LGALS9: variants seen among roughly 807,000 people sequenced by gnomAD.
The protein encoded by LGALS9 is galectin 9.
Under a neutral mutation model 35.9 loss-of-function variants are expected in LGALS9, and 26 were observed. The observed-to-expected ratio is 0.72, with a 90% CI of 0.53 to 1.01. The LOEUF (loss-of-function observed/expected upper bound fraction) is 1.01, where lower values mean the gene tolerates loss of function less well. Among genes scored for constraint, LGALS9 ranks in the 50% least tolerant of loss-of-function variants. LGALS9 has a pLI of 0.00. For synonymous variants in LGALS9, 149 were observed against 172.2 expected, an observed-to-expected ratio of 0.87 and a Z score of 1.06; for missense variants, 347 against 445.8, an observed-to-expected ratio of 0.78 and a Z score of 1.99.
chr17:27,646,624 T>C (rs777169127), intron 8 of LGALS9, 36 bp downstream of exon 8: 1 of 1,613,024 alleles, frequency 6.2e-7, no homozygotes, highest in South Asian at 1.1e-5. Flanking sequence ...AGGTTCTGTT[T>C]GTGGTGGGCA....
In LGALS9 at chr17:27,647,097, C is replaced by G. The variant is rs1423191413; in HGVS notation, c.737C>G (p.Thr246Ser). 6.2e-7 allele frequency: 1 copy of G among 1,614,212 alleles called. No individual in the cohort carries two copies. Among genetic ancestry groups the G allele is most frequent in the Non-Finnish European group, 8.5e-7 (1 of 1,180,036 alleles). Reference sequence around the variant, plus strand: ...TCCAAGTCCATCCTCCTGTCAGGCACTGTCCTGCCCAGTGCTCAGAGGTAA... The same window carrying G: ...TCCAAGTCCATCCTCCTGTCAGGCAGTGTCCTGCCCAGTGCTCAGAGGTAA... Reference protein sequence around the residue: ...YPSKSILLSGTVLPSAQRFHI... With the variant: ...YPSKSILLSGSVLPSAQRFHI... The change falls in exon 9 of 11, where the codon ACT becomes AGT. Residue 246 changes from threonine (T) to serine (S), a missense_variant. Coordinates refer to ENST00000395473, the MANE Select transcript of LGALS9 (RefSeq NM_009587.3).
chr17:27,642,238 G>A lies in LGALS9; in HGVS notation c.334G>A (p.Val112Met). The A allele has an allele frequency of 6.2e-7, 1 of 1,611,502 alleles. No homozygotes were observed. The highest frequency in any genetic ancestry group is 2.2e-5 in the East Asian group (1 of 44,802). ...CFLVQSSDFK[V>M]MVNGILFVQY... ...CAGAACATGTGCTCTCCTCTGGCAG[G>A]TGATGGTGAACGGGATCCTCTTCGT... Residue 112 changes from valine to methionine, a missense_variant and splice_region_variant, in exon 4 of 11, where the codon GTG becomes ATG. Transcript: ENST00000395473.
intron 2 of LGALS9, 171 bp from the exon 3 acceptor site, chr17:27,640,401 C>A: frequency 1.0e-6 from 1 of 983,948 alleles, no homozygotes; most frequent in Non-Finnish European, 1.5e-6. Flanking sequence ...AAAACAAAAA[C>A]ACATTAGATC....
chr17:27,645,783 G>T (rs1904889786), intron 6 of LGALS9, 78 bp from the exon 7 acceptor site: 1 of 1,206,972 alleles, frequency 8.3e-7, no homozygotes, highest in African/African-American at 1.5e-5. Context: ...GAGGGTGCCT[G>T]CCGTGTGGCG....
chr17:27,648,813 C>A, intron 10 of LGALS9, 23 bp from the exon 11 acceptor site: 2 of 1,613,280 alleles, frequency 1.2e-6, no homozygotes, highest in South Asian at 2.2e-5. Context: ...AAGTGTAGTG[C>A]AAACGGCATG....
intron 1 of LGALS9, among the ~76,000 whole-genome samples, chr17:27,637,305 T>C (rs1213296778): frequency 2.0e-5 from 3 of 152,142 alleles, no homozygotes; most frequent in Admixed American, 6.5e-5. Flanking sequence ...TCTCACAAAA[T>C]CATCAATCAT....
At chr17:27,643,752 C>T (rs4795835) in intron 5 of LGALS9, 132 bp downstream of exon 5, 340,252 of 1,390,354 alleles carry the variant, frequency 0.24, 42,302 homozygotes, top group Admixed American at 0.31. Flanking sequence ...AGTTCCCTGT[C>T]TCTGTCCGCT....
rs1353133112 is a variant in LGALS9 at position 27,642,328 on chromosome 17, C to T, written c.424C>T (p.Leu142=). ...DTISVNGSVQ[L]SYISFQNPRT... is the part of the protein sequence containing the mutation. Reference sequence around the variant, plus strand: ...CATCTCCGTCAATGGCTCTGTGCAGCTGTCCTACATCAGCTTCCAGGTCAG... The same window carrying T: ...CATCTCCGTCAATGGCTCTGTGCAGTTGTCCTACATCAGCTTCCAGGTCAG... The change falls in exon 4 of 11, where the codon CTG becomes TTG. Residue 142 remains leucine (L), a synonymous_variant. Coordinates refer to ENST00000395473, the MANE Select transcript of LGALS9 (RefSeq NM_009587.3). 6.2e-7 allele frequency: 1 copy of T among 1,612,088 alleles called. No homozygotes were observed. The highest frequency in any genetic ancestry group is 1.7e-5 in the Admixed American group (1 of 60,006).
At position 27,647,385 on chromosome 17, in the gene LGALS9, C is replaced by T. The variant is rs552193992; in HGVS notation, c.874C>T (p.Arg292Ter). Residue 292 changes from arginine to a stop codon, truncating the protein, a stop_gained, in exon 10 of 11, where the codon CGA (arginine) becomes TGA (stop). Transcript: ENST00000395473. LOFTEE classifies it low-confidence loss of function (END_TRUNC). ...CGACAACTCCTGGGGGTCTGAGGAG[C>T]GAAGTCTGCCCCGAAAAATGCCCTT... ...QIDNSWGSEE[R>*]SLPRKMPFVR... 2.0e-5 allele frequency: 32 copies of T among 1,613,958 alleles called. No individual in the cohort carries two copies. The highest frequency in any genetic ancestry group is 6.7e-5 in the African/African-American group (5 of 74,882).
At chr17:27,634,089 A>G (rs1211554010) in intron 1 of LGALS9, among the ~76,000 whole-genome samples, 1 of 152,260 alleles carries the variant, frequency 6.6e-6, no homozygotes, top group Non-Finnish European at 1.5e-5. Context: ...TCTTAAAACA[A>G]CAAATTTGCT....
chr17:27,637,598 G>A (rs2074467133), intron 1 of LGALS9, among the ~76,000 whole-genome samples: 1 of 152,202 alleles, frequency 6.6e-6, no homozygotes, highest in African/African-American at 2.4e-5. Flanking sequence ...AAGGAATGGG[G>A]AGCCCGGGCA....
At chr17:27,640,815 C>T in intron 3 of LGALS9, 42 bp downstream of exon 3, 4 of 1,610,850 alleles carry the variant, frequency 2.5e-6, no homozygotes, top group African/African-American at 1.3e-5. Flanking sequence ...CCTGGGACCC[C>T]CAGCCCTATC....
chr17:27,636,646 A>G (rs28452661), intron 1 of LGALS9, among the ~76,000 whole-genome samples: 2 of 150,240 alleles, frequency 1.3e-5, no homozygotes, highest in African/African-American at 4.9e-5. Flanking sequence ...TTTTTTTTTT[A>G]TTTTTTGTAG....
chr17:27,647,157 C>A (rs1297155755), intron 9 of LGALS9, 39 bp downstream of exon 9: 3 of 1,614,092 alleles, frequency 1.9e-6, no homozygotes, highest in South Asian at 2.2e-5. Context: ...GAAGAGAGAG[C>A]CCTTCAAGGT....
In LGALS9 at chr17:27,648,919, C is replaced by G; in HGVS notation, c.1005C>G (p.Asn335Lys). Residue 335 changes from asparagine (N) to lysine (K), a missense_variant, in exon 11 of 11, where the codon AAC becomes AAG. Asn to Lys is a moderately conservative substitution (Grantham distance 94). Transcript: ENST00000395473. ...TTGAATACTACCATCGCCTGAGGAA[C>G]CTGCCCACCATCAACAGACTGGAAG... is the stretch of plus-strand genomic sequence containing the variant. ...HLFEYYHRLRNLPTINRLEVG... is the reference protein window; with the variant it reads ...HLFEYYHRLRKLPTINRLEVG... 6.2e-7 allele frequency: 1 copy of G among 1,613,934 alleles called. No homozygotes were observed. Among genetic ancestry groups the G allele is most frequent in the Non-Finnish European group, 8.5e-7 (1 of 1,179,850 alleles).
Position 27,646,527 on chromosome 17 carries a change from T to G in LGALS9, c.628-20T>G. ...CACCCATGTGCTCTCCCATTGAATT[T>G]CCTGGTTTCTTTTCAACAGACTCCC... On this transcript the variant is annotated intron_variant, in intron 7 of 10. Coordinates refer to ENST00000395473, the MANE Select transcript of LGALS9 (RefSeq NM_009587.3). 1 of 1,611,996 alleles carries G rather than the reference T, an allele frequency of 6.2e-7. No individual in the cohort carries two copies. The highest frequency in any genetic ancestry group is 8.5e-7 in the Non-Finnish European group (1 of 1,179,850).
intron 10 of LGALS9, 142 bp downstream of exon 10, chr17:27,647,574 A>ATTATT: frequency 7.4e-6 from 8 of 1,078,300 alleles, no homozygotes; most frequent in Non-Finnish European, 1.1e-5. Flanking sequence ...GTGGCCAACA[A>ATTATT]ATTATTATTA....
chr17:27,640,063 G>T (rs1009378716), intron 2 of LGALS9, among the ~76,000 whole-genome samples: 3 of 151,814 alleles, frequency 2.0e-5, no homozygotes, highest in Non-Finnish European at 2.9e-5. Flanking sequence ...CTAGAGATGA[G>T]CTCTCACTAT....
intron 2 of LGALS9, 178 bp from the exon 3 acceptor site, chr17:27,640,394 A>G (rs1243849181): frequency 1.0e-6 from 1 of 960,616 alleles, no homozygotes; most frequent in Non-Finnish European, 1.5e-6. Flanking sequence ...AATAATTAAA[A>G]CAAAAACACA....
Sources: gnomAD v4.1 joint callset for allele counts (sites outside exome capture counted in the v4.1 genomes callset) on GRCh38, gnomAD v4.1.1 for gene constraint, MANE v1.5 for transcripts, NCBI Gene and HGNC (gene_info 2026-07-23, HGNC 2026-07-21) for gene names.